The following DISC1 variants were observed in gnomAD, a reference collection of about 807,000 sequenced individuals.
DISC1 encodes the protein DISC1 scaffold protein.
A neutral mutation model predicts 84.5 loss-of-function variants in DISC1; 57 were observed. That is an observed-to-expected ratio of 0.67 (90% confidence interval 0.55 to 0.84). DISC1 has a LOEUF of 0.84. Ranked by LOEUF, DISC1 falls within the 40% of genes least tolerant of loss-of-function variation. The pLI is 0.00. For synonymous variants in DISC1, 411 were observed against 415.2 expected, an observed-to-expected ratio of 0.99 and a Z score of 0.12; for missense variants, 1,000 against 1,057.8, an observed-to-expected ratio of 0.95 and a Z score of 0.76.
intron 7 of DISC1, among the ~76,000 whole-genome samples, chr1:231,799,644 C>G (rs769783338): frequency 4.6e-5 from 7 of 151,710 alleles, no homozygotes; most frequent in Non-Finnish European, 1.0e-4. Context: ...AAAAGTGATG[C>G]AGACAGGAGG....
chr1:231,905,199 G>A (rs143724545), intron 9 of DISC1, among the ~76,000 whole-genome samples: 1 of 152,156 alleles, frequency 6.6e-6, no homozygotes, highest in Non-Finnish European at 1.5e-5. Context: ...CATCAGATCT[G>A]GGATTTCCCA....
chr1:231,742,321 G>C (rs193208331), intron 3 of DISC1, among the ~76,000 whole-genome samples: 1 of 152,326 alleles, frequency 6.6e-6, no homozygotes, highest in Admixed American at 6.5e-5. Context: ...GCACCCTTAT[G>C]CTAACCAGAG....
At position 231,712,642 on chromosome 1, in the gene DISC1, C is replaced by T. The variant is rs2068023985; in HGVS notation, c.1117+10618C>T. Among the ~76,000 whole-genome samples, 7 of 152,150 alleles carry T rather than the reference C, an allele frequency of 4.6e-5. No homozygotes were observed. In the South Asian group the frequency reaches 1.2e-3, roughly 27 times the overall value. ...TCATTCCCAGTGTAGGACCCTGGTC[C>T]CTGATTACAGAGGGACTAGAGAAGA... On this transcript the variant is annotated intron_variant, in intron 3 of 12. Coordinates refer to ENST00000439617, the MANE Select transcript of DISC1 (RefSeq NM_018662.3).
chr1:231,713,753 TATATATAGGAGATA>T lies in DISC1; in HGVS notation c.1117+11730_1117+11743del, dbSNP rs1339859319. On this transcript the variant is annotated intron_variant, in intron 3 of 12. Coordinates refer to ENST00000439617, the MANE Select transcript of DISC1 (RefSeq NM_018662.3). ...GATATATACATATATATAGGAGATA[TATATATAGGAGATA>T]TATATATAGGAGATATATATATAGG... 2.1e-5 allele frequency among the ~76,000 whole-genome samples: 3 copies of T among 144,700 alleles called. No homozygotes were observed. The East Asian group carries it at 6.0e-4, about 29-fold the overall frequency. The allele number at this position is 144,700 out of a possible 152,430, so 94.9% of individuals were successfully genotyped here.
chr1:231,696,543 G>T (rs1350850888), intron 2 of DISC1, among the ~76,000 whole-genome samples: 1 of 152,116 alleles, frequency 6.6e-6, no homozygotes, highest in East Asian at 1.9e-4. Context: ...CCCACAGCTG[G>T]GCAGGGAAAA....
chr1:231,837,715 G>A (rs891935501), intron 9 of DISC1, among the ~76,000 whole-genome samples: 2 of 152,206 alleles, frequency 1.3e-5, no homozygotes, highest in African/African-American at 2.4e-5. Flanking sequence ...AAGGGAGGAG[G>A]TGAGGAGGTG....
Position 231,691,429 on chromosome 1 carries a change from C to CAA in DISC1, c.68-2388_68-2387dup, listed in dbSNP as rs373818345. ...CTGGGCAACAGGAGCGAGACTGTCTCAAAAAAAAAACAGAAAGAATAAAGA... is the reference window on the plus strand; with the variant it reads ...CTGGGCAACAGGAGCGAGACTGTCTCAAAAAAAAAAAACAGAAAGAATAAAGA... On this transcript the variant is annotated intron_variant, in intron 1 of 12. Coordinates refer to ENST00000439617, the MANE Select transcript of DISC1 (RefSeq NM_018662.3). Among the ~76,000 whole-genome samples, 75 of 140,118 alleles carry CAA rather than the reference C, an allele frequency of 5.4e-4. No homozygotes were observed. The East Asian group carries it at 8.0e-3, about 15-fold the overall frequency. The allele number at this position is 140,118 out of a possible 152,430, so 91.9% of individuals were successfully genotyped here.
At chr1:231,976,530 G>T (rs1662831561) in intron 10 of DISC1, among the ~76,000 whole-genome samples, 1 of 152,150 alleles carries the variant, frequency 6.6e-6, no homozygotes, top group Non-Finnish European at 1.5e-5. Context: ...ATTCTTAGTT[G>T]CATGTTGAAG....
intron 1 of DISC1, among the ~76,000 whole-genome samples, chr1:231,672,079 T>G (rs2062680466): frequency 1.3e-5 from 2 of 152,224 alleles, no homozygotes; most frequent in Admixed American, 1.3e-4. Flanking sequence ...GGGATTGTTT[T>G]AATTATTCAT....
intron 3 of DISC1, among the ~76,000 whole-genome samples, chr1:231,744,642 C>T (rs1438003414): frequency 6.6e-6 from 1 of 152,040 alleles, no homozygotes; most frequent in African/African-American, 2.4e-5. Flanking sequence ...ACATAAGGGC[C>T]AGTGAGAGAA....
At chr1:231,960,722 C>G (rs1660274005) in intron 10 of DISC1, among the ~76,000 whole-genome samples, 1 of 152,322 alleles carries the variant, frequency 6.6e-6, no homozygotes, top group South Asian at 2.1e-4. Flanking sequence ...GCTGCAGATA[C>G]CAGCTGGGTG....
intron 9 of DISC1, among the ~76,000 whole-genome samples, chr1:231,914,703 TATC>T (rs776917164): frequency 1.3e-5 from 2 of 152,156 alleles, no homozygotes; most frequent in African/African-American, 2.4e-5. Context: ...ATCTCCAACT[TATC>T]ATGTGGAGGG....
intron 1 of DISC1, among the ~76,000 whole-genome samples, chr1:231,636,552 A>G (rs201332010): frequency 2.9e-4 from 44 of 151,992 alleles, no homozygotes; most frequent in Non-Finnish European, 5.1e-4. Context: ...TATTTTCTTG[A>G]CTCTGATTTG....
At chr1:231,829,740 G>T (rs570574557) in intron 9 of DISC1, among the ~76,000 whole-genome samples, 2 of 152,264 alleles carry the variant, frequency 1.3e-5, no homozygotes, top group East Asian at 3.9e-4. Context: ...TATTTCACCT[G>T]GGTGCAGGCA....
At chr1:231,910,578 G>C (rs1181438523) in intron 9 of DISC1, among the ~76,000 whole-genome samples, 1 of 152,204 alleles carries the variant, frequency 6.6e-6, no homozygotes, top group Non-Finnish European at 1.5e-5. Flanking sequence ...ATTTTCTGAG[G>C]AGTGCTTTAC....
chr1:231,912,490 A>G (rs1402289846), intron 9 of DISC1, among the ~76,000 whole-genome samples: 1 of 152,158 alleles, frequency 6.6e-6, no homozygotes, highest in Non-Finnish European at 1.5e-5. Flanking sequence ...AGGCTGCAGA[A>G]CAGCAAATAT....
Position 231,630,598 on chromosome 1 carries a change from A to G in DISC1, c.67+3664A>G, listed in dbSNP as rs1572292900. ...AGGGTCCCCTCCTGGCACAGCTGGA[A>G]CCACCGGTGAAGAGCCATTTTTCAG... On this transcript the variant is annotated intron_variant, in intron 1 of 12. Transcript: ENST00000439617. The surrounding 1 kb of genome is among the most constrained non-coding windows in gnomAD (Gnocchi z 4.4). 6.6e-6 allele frequency among the ~76,000 whole-genome samples: 1 copy of G among 152,094 alleles called. No homozygotes were observed. Among genetic ancestry groups the G allele is most frequent in the African/African-American group, 2.4e-5 (1 of 41,430 alleles).
chr1:231,773,598 A>C (rs1032314746), intron 6 of DISC1, among the ~76,000 whole-genome samples: 9 of 151,986 alleles, frequency 5.9e-5, no homozygotes, highest in East Asian at 5.8e-4. Context: ...GTTAGCCAGG[A>C]TGGTCTTAAT....
At chr1:231,946,759 C>G (rs973023400) in intron 9 of DISC1, among the ~76,000 whole-genome samples, 11 of 152,264 alleles carry the variant, frequency 7.2e-5, no homozygotes, top group African/African-American at 2.4e-4. Context: ...GCAACTTCAG[C>G]AAAGTTGCTG....
Sources: gnomAD v4.1 joint callset for allele counts (sites outside exome capture counted in the v4.1 genomes callset) on GRCh38, gnomAD v4.1.1 for gene constraint, Gnocchi (gnomAD v3.1) non-coding constraint, MANE v1.5 for transcripts, NCBI Gene and HGNC (gene_info 2026-07-23, HGNC 2026-07-21) for gene names.